IER5L: variants seen among roughly 807,000 people sequenced by gnomAD.
IER5L encodes immediate early response gene 5-like protein.
In IER5L, 6 loss-of-function variants were observed where a neutral mutation model predicts 28.3. The observed-to-expected ratio is 0.21, with a 90% CI of 0.12 to 0.42. The LOEUF is 0.42. IER5L is among the 10% of genes least tolerant of loss of function. IER5L has a pLI of 1.00. For missense variants in IER5L, 607 were observed against 575.2 expected (o/e 1.06, Z -0.56); for synonymous variants, 351 against 282.5 (o/e 1.24, Z -2.43).
Position 129,177,668 on chromosome 9 carries a change from G to A in IER5L, c.385C>T (p.His129Tyr), listed in dbSNP as rs1429659154. 4 of 1,382,758 alleles carry A rather than the reference G, an allele frequency of 2.9e-6. No individual in the cohort carries two copies. Among genetic ancestry groups the A allele is most frequent in the Middle Eastern group, 2.6e-4 (1 of 3,794 alleles). 85.7% of individuals were successfully genotyped at this position (1,382,758 alleles called of 1,614,324 possible). A position where few individuals can be genotyped will look rare whatever the true frequency, so the allele number is the denominator to read the frequency against. The change falls in exon 1 of 1, where the codon CAC (histidine) becomes TAC (tyrosine). Residue 129 changes from histidine to tyrosine, a missense_variant. Coordinates refer to ENST00000372491, the MANE Select transcript of IER5L (RefSeq NM_203434.3). Reference sequence around the variant, plus strand: ...CAGCCCCTGGGCGCCGGGTGCTGGTGCTGGTGCAGCTGCTGCTGGAGGTGC... The same window carrying A: ...CAGCCCCTGGGCGCCGGGTGCTGGTACTGGTGCAGCTGCTGCTGGAGGTGC... ...QLHLQQQLHQ[H>Y]QHPAPRGCAA...
chr9:129,177,044 C>T lies in IER5L; in HGVS notation c.1009G>A (p.Ala337Thr). 1 of 1,554,070 alleles carries T rather than the reference C, an allele frequency of 6.4e-7. No individual in the cohort carries two copies. Among genetic ancestry groups the T allele is most frequent in the South Asian group, 1.2e-5 (1 of 84,878 alleles). ...GGAPFAPCKR[A>T]RFEDFCPDSS... ...TCCGGGCAGAAGTCCTCGAAGCGGGCGCGCTTGCAGGGGGCGAACGGGGCG... is the reference window on the plus strand; with the variant it reads ...TCCGGGCAGAAGTCCTCGAAGCGGGTGCGCTTGCAGGGGGCGAACGGGGCG... Residue 337 changes from alanine (A) to threonine (T), a missense_variant, in exon 1 of 1, where the codon GCC (alanine) becomes ACC (threonine). Coordinates refer to ENST00000372491, the MANE Select transcript of IER5L (RefSeq NM_203434.3).
rs928207485 is a variant in IER5L, at chr9:129,176,292, A to G, written c.*546T>C. 6.6e-6 allele frequency: 1 copy of G among 152,200 alleles called. No homozygotes were observed. Among genetic ancestry groups the G allele is most frequent in the Non-Finnish European group, 1.5e-5 (1 of 68,034 alleles). 9.4% of individuals were successfully genotyped at this position (152,200 alleles called of 1,614,324 possible). A position where few individuals can be genotyped will look rare whatever the true frequency, so the allele number is the denominator to read the frequency against. ...CCCCCAGAGAGGAAATGTGACCCAA[A>G]CGTCCCTTTCGGAGATAGAGTTTGC... On this transcript the variant is annotated 3_prime_UTR_variant, in exon 1 of 1. Coordinates refer to ENST00000372491, the MANE Select transcript of IER5L (RefSeq NM_203434.3).
At position 129,176,459 on chromosome 9, in the gene IER5L, G is replaced by C. The variant is rs927642332; in HGVS notation, c.*379C>G. On this transcript the variant is annotated 3_prime_UTR_variant, in exon 1 of 1. Transcript: ENST00000372491. The stretch of plus-strand genomic sequence containing the variant: ...CGGCGCCCTCCTGAGCTGCGCCCCC[G>C]GCGCGCCCCGGCGGCCAGGGCGCCC... 1 of 153,364 alleles carries C rather than the reference G, an allele frequency of 6.5e-6. No individual in the cohort carries two copies. The highest frequency in any genetic ancestry group is 2.4e-5 in the African/African-American group (1 of 41,326). The allele number at this position is 153,364 out of a possible 1,614,324, so 9.5% of individuals were successfully genotyped here.
rs1478385958 is a variant in IER5L, at chr9:129,178,232, C to G, written c.-180G>C. Reference sequence around the variant, plus strand: ...GCGCCGCGCGCCACCCGCGGGCTCGCGCTCCCCAGACGGCGCCAAAGCAAT... The same window carrying G: ...GCGCCGCGCGCCACCCGCGGGCTCGGGCTCCCCAGACGGCGCCAAAGCAAT... On this transcript the variant is annotated 5_prime_UTR_variant, in exon 1 of 1. Transcript: ENST00000372491. The G allele has an allele frequency of 6.3e-6, 3 of 477,496 alleles. No homozygotes were observed. Among genetic ancestry groups the G allele is most frequent in the African/African-American group, 4.1e-5 (2 of 49,350 alleles). 29.6% of individuals were successfully genotyped at this position (477,496 alleles called of 1,614,324 possible).
rs953718638 is a variant in IER5L, at chr9:129,177,666, G to GTGCTGGTGCAGCTGC, written c.372_386dup (p.Gln124_Gln128dup). On this transcript the variant is annotated inframe_insertion, in exon 1 of 1. Coordinates refer to ENST00000372491, the MANE Select transcript of IER5L (RefSeq NM_203434.3). ...CGCAGCCCCTGGGCGCCGGGTGCTG[G>GTGCTGGTGCAGCTGC]TGCTGGTGCAGCTGCTGCTGGAGGT... The GTGCTGGTGCAGCTGC allele has an allele frequency of 7.3e-7, 1 of 1,378,056 alleles. No homozygotes were observed. The highest frequency in any genetic ancestry group is 2.9e-5 in the Admixed American group (1 of 34,482). The allele number at this position is 1,378,056 out of a possible 1,614,324, so 85.4% of individuals were successfully genotyped here. A position where few individuals can be genotyped will look rare whatever the true frequency, so the allele number is the denominator to read the frequency against.
In IER5L at chr9:129,178,130, C is replaced by CCGCCGGGGCG; in HGVS notation, c.-88_-79dup. The CCGCCGGGGCG allele has an allele frequency of 2.4e-6, 3 of 1,262,242 alleles. No individual in the cohort carries two copies. The highest frequency in any genetic ancestry group is 2.0e-5 in the South Asian group (1 of 49,114). The allele number at this position is 1,262,242 out of a possible 1,614,324, so 78.2% of individuals were successfully genotyped here. ...TTCTGCTGTTTCTGCCTCCAGCCGG[C>CCGCCGGGGCG]CGCCGGGGCGCGCCGGGCAGGGGTA... On this transcript the variant is annotated 5_prime_UTR_variant, in exon 1 of 1. Coordinates refer to ENST00000372491, the MANE Select transcript of IER5L (RefSeq NM_203434.3).
At position 129,177,735 on chromosome 9, in the gene IER5L, G is replaced by C; in HGVS notation, c.318C>G (p.Ala106=). The C allele has an allele frequency of 6.9e-7, 1 of 1,445,952 alleles. No individual in the cohort carries two copies. The allele number at this position is 1,445,952 out of a possible 1,614,324, so 89.6% of individuals were successfully genotyped here. A position where few individuals can be genotyped will look rare whatever the true frequency, so the allele number is the denominator to read the frequency against. ...GGGDAEAREP[A]ARHQLHQLHQ... ...GGAGCTGGTGCAGCTGGTGCCGGGC[G>C]GCCGGCTCGCGCGCCTCCGCGTCCC... is the stretch of plus-strand genomic sequence containing the variant. Residue 106 remains alanine (A), a synonymous_variant, in exon 1 of 1, where the codon GCC becomes GCG. Transcript: ENST00000372491.
rs1180538333 is a variant in IER5L, at chr9:129,176,907, G to A, written c.1146C>T (p.Asn382=). ...GCGCCTGCTTGGCGCACAGCTGCCC[G>A]TTGAGCGGCGGCGGCTGCTCCGAGG... is the stretch of plus-strand genomic sequence containing the variant. ...PDSSEQPPPL[N]GQLCAKQALA... Residue 382 remains asparagine (N), a synonymous_variant, in exon 1 of 1, where the codon AAC becomes AAT. Transcript: ENST00000372491. 1.9e-6 allele frequency: 3 copies of A among 1,605,104 alleles called. No homozygotes were observed. Among genetic ancestry groups the A allele is most frequent in the East Asian group, 2.3e-5 (1 of 44,066 alleles).
At position 129,177,581 on chromosome 9, in the gene IER5L, C is replaced by T. The variant is rs1829432039; in HGVS notation, c.472G>A (p.Gly158Arg). Residue 158 changes from glycine (G) to arginine (R), a missense_variant, in exon 1 of 1, where the codon GGG becomes AGG. Gly to Arg is a moderately radical substitution (Grantham distance 125, BLOSUM62 -2). Transcript: ENST00000372491. ...GGAGALSELP[G>R]CAALQPPHGA... ...TGCGGCGGCTGGAGCGCGGCGCACC[C>T]GGGCAGCTCCGAGAGCGCCCCCGCG... The T allele has an allele frequency of 1.0e-6, 1 of 981,388 alleles. No homozygotes were observed. Among genetic ancestry groups the T allele is most frequent in the South Asian group, 4.7e-5 (1 of 21,256 alleles). 60.8% of individuals were successfully genotyped at this position (981,388 alleles called of 1,614,324 possible).
In IER5L at chr9:129,177,468, A is replaced by AGCGGGC; in HGVS notation, c.579_584dup (p.Pro194_Ala195dup). On this transcript the variant is annotated inframe_insertion, in exon 1 of 1. Transcript: ENST00000372491. ...CGCGAGGGTCCCGCGGGCAGAGCGC[A>AGCGGGC]GCGGGCGCGGGCGGCGGCAGCGGCA... 9.9e-7 allele frequency: 1 copy of AGCGGGC among 1,012,180 alleles called. No homozygotes were observed. The highest frequency in any genetic ancestry group is 1.2e-6 in the Non-Finnish European group (1 of 848,934). 62.7% of individuals were successfully genotyped at this position (1,012,180 alleles called of 1,614,324 possible).
Position 129,177,011 on chromosome 9 carries a change from G to A in IER5L, c.1042C>T (p.Pro348Ser). Residue 348 changes from proline to serine, a missense_variant, in exon 1 of 1, where the codon CCG becomes TCG. By Grantham distance (74) the Pro-to-Ser change is moderately conservative. Transcript: ENST00000372491. ...AAGTTTGAGATGTTGGACGCGTCCG[G>A]GGACGAGTCCGGGCAGAAGTCCTCG... ...RFEDFCPDSS[P>S]DASNISNLIS... 2 of 1,595,186 alleles carry A rather than the reference G, an allele frequency of 1.3e-6. No individual in the cohort carries two copies. Among genetic ancestry groups the A allele is most frequent in the South Asian group, 1.1e-5 (1 of 88,974 alleles).
chr9:129,176,705 G>A lies in IER5L; in HGVS notation c.*133C>T. On this transcript the variant is annotated 3_prime_UTR_variant, in exon 1 of 1. Coordinates refer to ENST00000372491, the MANE Select transcript of IER5L (RefSeq NM_203434.3). ...TTTTACAATTTATAAAACATCAGCC[G>A]CCTGCCCCCGCTCGCCCCCAGCTCA... 4 of 1,092,440 alleles carry A rather than the reference G, an allele frequency of 3.7e-6. No individual in the cohort carries two copies. Among genetic ancestry groups the A allele is most frequent in the Non-Finnish European group, 3.6e-6 (3 of 831,894 alleles). The allele number at this position is 1,092,440 out of a possible 1,614,324, so 67.7% of individuals were successfully genotyped here.
In IER5L at chr9:129,176,868, G is replaced by A. The variant is rs1394120200; in HGVS notation, c.1185C>T (p.Gly395=). The A allele has an allele frequency of 1.1e-5, 17 of 1,597,292 alleles. No individual in the cohort carries two copies. The highest frequency in any genetic ancestry group is 4.6e-5 in the East Asian group (2 of 43,158). Residue 395 remains glycine, a synonymous_variant, in exon 1 of 1, where the codon GGC becomes GGT. Coordinates refer to ENST00000372491, the MANE Select transcript of IER5L (RefSeq NM_203434.3). ...AGGCGACAATGGCTCGAGTCCAGGC[G>A]CCGAGGCTGGCGAGCGCCTGCTTGG... ...LCAKQALASL[G]AWTRAIVAF is the part of the protein sequence containing the mutation.
In IER5L at chr9:129,177,696, C is replaced by T. The variant is rs930999056; in HGVS notation, c.357G>A (p.Gln119=). Residue 119 remains glutamine, a synonymous_variant, in exon 1 of 1, where the codon CAG becomes CAA. Coordinates refer to ENST00000372491, the MANE Select transcript of IER5L (RefSeq NM_203434.3). The part of the protein sequence containing the change: ...HQLHQLHQLH[Q]LHLQQQLHQH... ...GGTGCAGCTGCTGCTGGAGGTGCAG[C>T]TGGTGGAGCTGGTGGAGCTGGTGCA... 4.3e-6 allele frequency: 6 copies of T among 1,401,346 alleles called. No homozygotes were observed. In the African/African-American group the frequency reaches 4.8e-5, roughly 11 times the overall value. The allele number at this position is 1,401,346 out of a possible 1,614,324, so 86.8% of individuals were successfully genotyped here. A position where few individuals can be genotyped will look rare whatever the true frequency, so the allele number is the denominator to read the frequency against.
chr9:129,176,687 AT>A lies in IER5L; in HGVS notation c.*150del. On this transcript the variant is annotated 3_prime_UTR_variant, in exon 1 of 1. Coordinates refer to ENST00000372491, the MANE Select transcript of IER5L (RefSeq NM_203434.3). ...AGATTTCTTTTTTTTTTATTTTACA[AT>A]TTATAAAACATCAGCCGCCTGCCCC... The A allele has an allele frequency of 9.8e-7, 1 of 1,020,712 alleles. No homozygotes were observed. The highest frequency in any genetic ancestry group is 1.3e-6 in the Non-Finnish European group (1 of 766,046). 63.2% of individuals were successfully genotyped at this position (1,020,712 alleles called of 1,614,324 possible).
Position 129,177,188 on chromosome 9 carries a change from C to T in IER5L, c.865G>A (p.Ala289Thr), listed in dbSNP as rs1276268907. The change falls in exon 1 of 1, where the codon GCT becomes ACT. Residue 289 changes from alanine to threonine, a missense_variant. Coordinates refer to ENST00000372491, the MANE Select transcript of IER5L (RefSeq NM_203434.3). ...SAHCPCCGQGAPGPGLASAAG... is the reference protein window; with the variant it reads ...SAHCPCCGQGTPGPGLASAAG... ...GCGGACGCCAGGCCCGGTCCCGGAG[C>T]GCCCTGGCCACAGCAGGGGCAGTGG... is the stretch of plus-strand genomic sequence containing the variant. 2.0e-6 allele frequency: 3 copies of T among 1,478,866 alleles called. No homozygotes were observed. The highest frequency in any genetic ancestry group is 5.1e-5 in the East Asian group (2 of 39,538). The allele number at this position is 1,478,866 out of a possible 1,614,324, so 91.6% of individuals were successfully genotyped here. A position where few individuals can be genotyped will look rare whatever the true frequency, so the allele number is the denominator to read the frequency against.
Position 129,178,244 on chromosome 9 carries a change from G to C in IER5L, c.-192C>G, listed in dbSNP as rs1317977864. The C allele has an allele frequency of 6.6e-6, 3 of 452,276 alleles. 1 individual carries two copies. Among genetic ancestry groups the C allele is most frequent in the Non-Finnish European group, 1.1e-5 (3 of 266,592 alleles). The allele number at this position is 452,276 out of a possible 1,614,324, so 28.0% of individuals were successfully genotyped here. ...ACCCGCGGGCTCGCGCTCCCCAGAC[G>C]GCGCCAAAGCAATGAGTCTCGGCCG... On this transcript the variant is annotated 5_prime_UTR_variant, in exon 1 of 1. Transcript: ENST00000372491.
rs1332862520 is a variant in IER5L, at chr9:129,178,173, G to A, written c.-121C>T. 15 of 840,192 alleles carry A rather than the reference G, an allele frequency of 1.8e-5. No individual in the cohort carries two copies. The highest frequency in any genetic ancestry group is 3.4e-5 in the East Asian group (1 of 29,624). The allele number at this position is 840,192 out of a possible 1,614,324, so 52.0% of individuals were successfully genotyped here. A position where few individuals can be genotyped will look rare whatever the true frequency, so the allele number is the denominator to read the frequency against. On this transcript the variant is annotated 5_prime_UTR_variant, in exon 1 of 1. Coordinates refer to ENST00000372491, the MANE Select transcript of IER5L (RefSeq NM_203434.3). ...CAGGGGTAACGGAGTCCGGGTCAGA[G>A]GTTCGGCTGCGCTCCGAAAGGAGCC...
In IER5L at chr9:129,175,877, TAGA is replaced by T. The variant is rs1236339228; in HGVS notation, c.*958_*960del. 2 of 152,174 alleles carry T rather than the reference TAGA, an allele frequency of 1.3e-5. No homozygotes were observed. The highest frequency in any genetic ancestry group is 2.4e-5 in the African/African-American group (1 of 41,416). The allele number at this position is 152,174 out of a possible 1,614,324, so 9.4% of individuals were successfully genotyped here. A position where few individuals can be genotyped will look rare whatever the true frequency, so the allele number is the denominator to read the frequency against. On this transcript the variant is annotated 3_prime_UTR_variant, in exon 1 of 1. Transcript: ENST00000372491. This position sits in a 1 kb window ranked among gnomAD's most constrained non-coding sequence, Gnocchi z 5.2. ...AAGGCTGAACCAAGGCAGTGCAACT[TAGA>T]AGCACACACACAAACACCACAGCTG... is the stretch of plus-strand genomic sequence containing the variant.
Sources: allele counts gnomAD v4.1 joint callset, GRCh38; gene constraint gnomAD v4.1.1; non-coding constraint Gnocchi (gnomAD v3.1); transcripts MANE v1.5; gene names NCBI Gene and HGNC (gene_info 2026-07-23, HGNC 2026-07-21).